THBS4: variants seen among roughly 807,000 people sequenced by gnomAD.
THBS4 encodes the protein thrombospondin 4.
A neutral mutation model predicts 115.7 loss-of-function variants in THBS4; 90 were observed. The ratio of observed to expected loss-of-function variants is 0.78; its 90% CI spans 0.66 to 0.93. The LOEUF is 0.93. Among genes scored for constraint, THBS4 ranks in the 40% least tolerant of loss-of-function variants. The pLI is 0.00. For missense variants in THBS4, 1,087 were observed against 1,232.7 expected (o/e 0.88, Z 1.77); for synonymous variants, 460 against 479.3 (o/e 0.96, Z 0.53).
intron 15 of THBS4, among the ~76,000 whole-genome samples, chr5:80,075,874 C>G (rs1332937501): frequency 1.3e-5 from 2 of 152,228 alleles, no homozygotes; most frequent in African/African-American, 4.8e-5. Flanking sequence ...TTCACTTTCA[C>G]TGGACCCTTT....
At position 80,046,147 on chromosome 5, in the gene THBS4, A is replaced by G. The variant is rs1247386309; in HGVS notation, c.292+5867A>G. On this transcript the variant is annotated intron_variant, in intron 2 of 21. Transcript: ENST00000350881. ...TCCTGGAATAGGTAATGGGAGATTA[A>G]CAGGTGATAGAGGTAAGTCATAGAT... Among the ~76,000 whole-genome samples, 4 of 152,230 alleles carry G rather than the reference A, an allele frequency of 2.6e-5. No homozygotes were observed. In the East Asian group the frequency reaches 7.7e-4, roughly 29 times the overall value.
At position 80,007,120 on chromosome 5, in the gene THBS4, A is replaced by C. The variant is rs187136429; in HGVS notation, n.177+8693A>C. Among the ~76,000 whole-genome samples the C allele has an allele frequency of 2.4e-3, 366 of 152,308 alleles. 1 individual carries two copies. The highest frequency in any genetic ancestry group is 8.2e-3 in the African/African-American group (339 of 41,578). On this transcript the variant is annotated intron_variant and non_coding_transcript_variant, in intron 2 of 3. Coordinates refer to the THBS4 transcript ENST00000510218. ...AAGGAAGAGTCAATGATGCCCAGTG[A>C]ACAATGGGATAAAGCTTAGGAGTGT...
chr5:80,061,948 G>A, intron 8 of THBS4, 116 bp downstream of exon 8: 1 of 1,170,178 alleles, frequency 8.5e-7, no homozygotes, highest in Non-Finnish European at 1.1e-6. Context: ...CATGTGGAAT[G>A]TCATGGTGCA....
chr5:80,061,350 C>T (rs547963319), intron 7 of THBS4, among the ~76,000 whole-genome samples: 3 of 152,232 alleles, frequency 2.0e-5, no homozygotes, highest in East Asian at 3.9e-4. Flanking sequence ...ATCTAACAGC[C>T]AGCTAAGTGG....
intron 2 of THBS4, among the ~76,000 whole-genome samples, chr5:80,015,995 A>G (rs1161371981): frequency 6.6e-6 from 1 of 152,196 alleles, no homozygotes; most frequent in Non-Finnish European, 1.5e-5. Context: ...TACATGATGC[A>G]TCCATTTCCA....
intron 2 of THBS4, among the ~76,000 whole-genome samples, chr5:80,054,156 TTTC>T (rs145652610): frequency 0.28 from 35,918 of 126,900 alleles, 3,953 homozygotes; most frequent in Middle Eastern, 0.36. Flanking sequence ...TTTCTTTTCT[TTTC>T]TTTTTTTTTT....
At chr5:80,070,896 A>G in intron 12 of THBS4, 125 bp from the exon 13 acceptor site, 1 of 1,574,778 alleles carries the variant, frequency 6.4e-7, no homozygotes. Flanking sequence ...TTACCCTATA[A>G]GATTCACAGA....
At chr5:80,010,261 C>T (rs1039828725) in intron 2 of THBS4, among the ~76,000 whole-genome samples, 1 of 152,162 alleles carries the variant, frequency 6.6e-6, no homozygotes. Flanking sequence ...ACTACACTTT[C>T]CCCAACTCCA....
chr5:80,082,554 C>T lies in THBS4; in HGVS notation c.2824+9C>T. The T allele has an allele frequency of 5.0e-6, 8 of 1,613,974 alleles. No homozygotes were observed. Among genetic ancestry groups the T allele is most frequent in the Non-Finnish European group, 6.8e-6 (8 of 1,179,924 alleles). ...CAAGTATCGCTGCAATGGTAATGTG[C>T]ATTCTCGTTACTGTTCAACATTGTT... On this transcript the variant is annotated intron_variant, in intron 21 of 21. Coordinates refer to ENST00000350881, the MANE Select transcript of THBS4 (RefSeq NM_003248.6).
chr5:80,082,510 A>G lies in THBS4; in HGVS notation c.2789A>G (p.Asn930Ser). ...RLGVFCFSQE[N>S]IIWSNLKYRC... ...GGCGTTTTCTGCTTCTCTCAAGAAA[A>G]CATCATCTGGTCCAACCTCAAGTAT... The change falls in exon 21 of 22, where the codon AAC becomes AGC. Residue 930 changes from asparagine to serine, a missense_variant. Transcript: ENST00000350881. The G allele has an allele frequency of 6.2e-7, 1 of 1,614,170 alleles. No individual in the cohort carries two copies. The highest frequency in any genetic ancestry group is 1.7e-5 in the Admixed American group (1 of 60,026).
At chr5:80,036,441 A>G (rs554035421) in intron 1 of THBS4, among the ~76,000 whole-genome samples, 1 of 152,348 alleles carries the variant, frequency 6.6e-6, no homozygotes, top group African/African-American at 2.4e-5. Context: ...TGTGTTCACT[A>G]GAAGCTCAAA....
intron 2 of THBS4, among the ~76,000 whole-genome samples, chr5:80,028,186 C>T (rs1832517799): frequency 6.6e-6 from 1 of 152,052 alleles, no homozygotes; most frequent in South Asian, 2.1e-4. Flanking sequence ...ATCCCCACCC[C>T]ACCCCACCTC....
chr5:80,031,023 G>T (rs1832577583), upstream of THBS4, among the ~76,000 whole-genome samples: 1 of 152,204 alleles, frequency 6.6e-6, no homozygotes, highest in South Asian at 2.1e-4. Flanking sequence ...CCGCACAGGA[G>T]CAGGATAGAT....
At chr5:80,068,385 C>T (rs1445673410) in intron 10 of THBS4, 6 of 400,010 alleles carry the variant, frequency 1.5e-5, no homozygotes, top group South Asian at 5.7e-5. Context: ...CCAGAGCCTC[C>T]GGTGAAGCCC....
chr5:80,004,796 G>A (rs997538292), intron 2 of THBS4, among the ~76,000 whole-genome samples: 9 of 151,954 alleles, frequency 5.9e-5, no homozygotes, highest in Non-Finnish European at 1.3e-4. Context: ...GGAGTGCAGT[G>A]GCGTGATCTT....
chr5:80,079,801 G>T, intron 19 of THBS4, 104 bp from the exon 20 acceptor site: 3 of 1,257,164 alleles, frequency 2.4e-6, no homozygotes, highest in South Asian at 2.8e-5. Flanking sequence ...CAAGGCAGCC[G>T]GATTATAACC....
chr5:80,045,811 G>T (rs570838126), intron 2 of THBS4, among the ~76,000 whole-genome samples: 1 of 152,080 alleles, frequency 6.6e-6, no homozygotes, highest in African/African-American at 2.4e-5. Flanking sequence ...GATTACAGCC[G>T]TGAGCAACCA....
At chr5:80,009,602 T>C (rs570766753) in intron 2 of THBS4, among the ~76,000 whole-genome samples, 1 of 152,098 alleles carries the variant, frequency 6.6e-6, no homozygotes, top group East Asian at 1.9e-4. Context: ...TCAAATTCTT[T>C]GTGATTGCCA....
chr5:80,064,820 C>T (rs968175695), intron 8 of THBS4, among the ~76,000 whole-genome samples: 1 of 151,628 alleles, frequency 6.6e-6, no homozygotes, highest in Non-Finnish European at 1.5e-5. Context: ...AATGGAAAAT[C>T]GTTGAACTTA....
Sources: allele counts gnomAD v4.1 joint callset (sites outside exome capture counted in the v4.1 genomes callset), GRCh38; gene constraint gnomAD v4.1.1; transcripts MANE v1.5; gene names NCBI Gene and HGNC (gene_info 2026-07-23, HGNC 2026-07-21).